The following PTPRZ1 variants were observed in gnomAD, a reference collection of about 807,000 sequenced individuals.
PTPRZ1 encodes protein tyrosine phosphatase receptor type Z1.
Under a neutral mutation model 214.1 loss-of-function variants are expected in PTPRZ1, and 82 were observed. The ratio of observed to expected loss-of-function variants is 0.38; its 90% confidence interval spans 0.32 to 0.46. The LOEUF is 0.46. Among genes scored for constraint, PTPRZ1 ranks in the 20% least tolerant of loss-of-function variants. The pLI is 1.00. For missense variants in PTPRZ1, 2,603 were observed against 2,748.7 expected (o/e 0.95, Z 1.19); for synonymous variants, 945 against 987.9 (o/e 0.96, Z 0.81).
intron 2 of PTPRZ1, among the ~76,000 whole-genome samples, chr7:121,964,108 A>G (rs890821309): frequency 6.6e-6 from 1 of 152,110 alleles, no homozygotes; most frequent in African/African-American, 2.4e-5. Flanking sequence ...TTTTCATGCC[A>G]TGTTATATTT....
chr7:121,987,173 T>C (rs1379054736), intron 8 of PTPRZ1, among the ~76,000 whole-genome samples: 3 of 152,226 alleles, frequency 2.0e-5, no homozygotes, highest in Non-Finnish European at 4.4e-5. Context: ...ACACATCTCT[T>C]CTGCAGTCTC....
intron 1 of PTPRZ1, among the ~76,000 whole-genome samples, chr7:121,882,882 G>T (rs1371348355): frequency 6.6e-6 from 1 of 152,198 alleles, no homozygotes; most frequent in Admixed American, 6.5e-5. Context: ...TGATATGAAT[G>T]TAATTGGTAT....
intron 2 of PTPRZ1, among the ~76,000 whole-genome samples, chr7:121,945,299 A>G (rs555745550): frequency 2.8e-4 from 43 of 152,334 alleles, no homozygotes; most frequent in African/African-American, 9.1e-4. Context: ...TATACTGTGT[A>G]AGATGCAGTC....
chr7:121,873,528 G>T lies in PTPRZ1; in HGVS notation c.29G>T (p.Cys10Phe), dbSNP rs749433607. The change falls in exon 1 of 30, where the codon TGC (cysteine) becomes TTC (phenylalanine). Residue 10 changes from cysteine (C) to phenylalanine (F), a missense_variant. Transcript: ENST00000393386. Reference sequence around the variant, plus strand: ...CGAATCCTAAAGCGTTTCCTCGCTTGCATTCAGCTCCTCTGTGTTTGCCGC... The same window carrying T: ...CGAATCCTAAAGCGTTTCCTCGCTTTCATTCAGCTCCTCTGTGTTTGCCGC... MRILKRFLA[C>F]IQLLCVCRLD... 3.7e-6 allele frequency: 6 copies of T among 1,613,884 alleles called. No homozygotes were observed. The highest frequency in any genetic ancestry group is 5.1e-6 in the Non-Finnish European group (6 of 1,180,048).
At chr7:121,890,622 C>T (rs1379025224) in intron 1 of PTPRZ1, among the ~76,000 whole-genome samples, 1 of 151,946 alleles carries the variant, frequency 6.6e-6, no homozygotes, top group Non-Finnish European at 1.5e-5. Flanking sequence ...TCCATCAAGC[C>T]CCAAATGCTC....
intron 1 of PTPRZ1, among the ~76,000 whole-genome samples, chr7:121,924,465 G>A (rs1001531557): frequency 1.3e-5 from 2 of 152,088 alleles, no homozygotes; most frequent in African/African-American, 2.4e-5. Context: ...CGGATTGTTT[G>A]AAGTAACAAT....
chr7:121,922,624 A>G (rs1401626634), intron 1 of PTPRZ1, among the ~76,000 whole-genome samples: 1 of 152,062 alleles, frequency 6.6e-6, no homozygotes, highest in Non-Finnish European at 1.5e-5. Flanking sequence ...TTTTTATTTT[A>G]TTCTCAGAGA....
rs368077582 is a variant in PTPRZ1, at chr7:122,010,357, T to C, written c.1311T>C (p.Ile437=). The C allele has an allele frequency of 1.9e-6, 3 of 1,608,094 alleles. No individual in the cohort carries two copies. Among genetic ancestry groups the C allele is most frequent in the Non-Finnish European group, 2.5e-6 (3 of 1,178,252 alleles). Residue 437 remains isoleucine, a synonymous_variant, in exon 12 of 30, where the codon ATT becomes ATC. Coordinates refer to ENST00000393386, the MANE Select transcript of PTPRZ1 (RefSeq NM_002851.3). ...IIKEEEEGKD[I]EEGAIVNPGR... is the part of the protein sequence containing the mutation. ...AGGAGGAGGAAGAGGGAAAAGACAT[T>C]GAAGAAGGCGCTATTGTGAATCCTG...
rs1797100420 is a variant in PTPRZ1, at chr7:121,968,145, TTC to T, written c.304+17_304+18del. The T allele has an allele frequency of 1.3e-6, 2 of 1,579,868 alleles. No individual in the cohort carries two copies. Among genetic ancestry groups the T allele is most frequent in the African/African-American group, 1.4e-5 (1 of 73,178 alleles). On this transcript the variant is annotated intron_variant, in intron 3 of 29. Coordinates refer to ENST00000393386, the MANE Select transcript of PTPRZ1 (RefSeq NM_002851.3). ...TGGGAAAACAGGTAAAATATTTGCA[TTC>T]TGTTTGCCTTTAATATATTTTTCAG...
intron 1 of PTPRZ1, among the ~76,000 whole-genome samples, chr7:121,887,577 T>C (rs1794435328): frequency 6.6e-6 from 1 of 152,138 alleles, no homozygotes; most frequent in African/African-American, 2.4e-5. Flanking sequence ...ATGGACAACT[T>C]CCTAAGGGCT....
chr7:121,935,727 C>A (rs746220013), intron 2 of PTPRZ1, among the ~76,000 whole-genome samples: 1 of 151,890 alleles, frequency 6.6e-6, no homozygotes, highest in Non-Finnish European at 1.5e-5. Context: ...GCCACCACAT[C>A]CCGGCTAATT....
intron 8 of PTPRZ1, among the ~76,000 whole-genome samples, chr7:121,992,924 C>T (rs188151313): frequency 2.6e-5 from 4 of 152,268 alleles, no homozygotes; most frequent in Admixed American, 6.5e-5. Flanking sequence ...TTGTACTCTA[C>T]GTGACTTGAC....
At chr7:121,909,275 A>G (rs1472239469) in intron 1 of PTPRZ1, among the ~76,000 whole-genome samples, 2 of 152,140 alleles carry the variant, frequency 1.3e-5, no homozygotes, top group Admixed American at 6.6e-5. Flanking sequence ...AAGGGGATTC[A>G]TGGGATTCAG....
At chr7:121,890,787 G>A (rs12667535) in intron 1 of PTPRZ1, among the ~76,000 whole-genome samples, 25,822 of 151,718 alleles carry the variant, frequency 0.17, 2,473 homozygotes, top group East Asian at 0.29. Context: ...CTCCTACCTC[G>A]GCCTCCTGAG....
chr7:121,919,776 T>C (rs1795536745), intron 1 of PTPRZ1, among the ~76,000 whole-genome samples: 1 of 150,662 alleles, frequency 6.6e-6, no homozygotes, highest in Admixed American at 6.6e-5. Flanking sequence ...GTAGGTTCTA[T>C]GTTAGTGCTG....
chr7:121,928,647 A>G (rs1307323149), intron 2 of PTPRZ1, among the ~76,000 whole-genome samples: 1 of 152,204 alleles, frequency 6.6e-6, no homozygotes, highest in East Asian at 1.9e-4. Flanking sequence ...CATGCTAATG[A>G]TTATTTTTGT....
intron 1 of PTPRZ1, among the ~76,000 whole-genome samples, chr7:121,906,611 C>G (rs560036710): frequency 6.6e-6 from 1 of 152,076 alleles, no homozygotes; most frequent in Non-Finnish European, 1.5e-5. Flanking sequence ...GCTGGCACCA[C>G]GTTTTCCAAA....
chr7:121,904,990 C>T (rs1795074777), intron 1 of PTPRZ1, among the ~76,000 whole-genome samples: 1 of 152,080 alleles, frequency 6.6e-6, no homozygotes, highest in Non-Finnish European at 1.5e-5. Context: ...TTGCTGTCTA[C>T]GAAAGTTGTT....
intron 14 of PTPRZ1, among the ~76,000 whole-genome samples, chr7:122,031,097 A>G (rs552456362): frequency 1.2e-4 from 19 of 152,192 alleles, no homozygotes; most frequent in Admixed American, 3.3e-4. Flanking sequence ...AATTGAAACT[A>G]TATTATTTCT....
Sources: gnomAD v4.1 joint callset for allele counts (sites outside exome capture counted in the v4.1 genomes callset) on GRCh38, gnomAD v4.1.1 for gene constraint, MANE v1.5 for transcripts, NCBI Gene and HGNC (gene_info 2026-07-23, HGNC 2026-07-21) for gene names.